The following C2orf76 variants were observed in gnomAD, a reference collection of about 807,000 sequenced individuals.
C2orf76 encodes UPF0538 protein C2orf76.
C2orf76 carries 23 observed loss-of-function variants against 16.9 expected under a neutral mutation model. The observed-to-expected ratio is 1.36, with a 90% CI of 0.98 to 1.93. The LOEUF (loss-of-function observed/expected upper bound fraction) is 1.93, where lower values mean the gene tolerates loss of function less well. C2orf76 is among the 30% of genes most tolerant of loss of function. The pLI is 0.00. For missense variants in C2orf76, 152 were observed against 152.6 expected, an observed-to-expected ratio of 1.00 and a Z score of 0.02; for synonymous variants, 48 against 52.3, an observed-to-expected ratio of 0.92 and a Z score of 0.35.
At chr2:119,342,733 C>G (rs1375424163) in intron 1 of C2orf76, among the ~76,000 whole-genome samples, 1 of 151,710 alleles carries the variant, frequency 6.6e-6, no homozygotes, top group East Asian at 1.9e-4. Flanking sequence ...ATATCTTAAG[C>G]AGATGTTAGG....
intron 4 of C2orf76, among the ~76,000 whole-genome samples, chr2:119,315,139 T>C (rs1679125125): frequency 2.0e-5 from 3 of 152,054 alleles, no homozygotes; most frequent in African/African-American, 7.2e-5. Flanking sequence ...TTAATAGAAA[T>C]TATTCCGACT....
intron 1 of C2orf76, among the ~76,000 whole-genome samples, chr2:119,348,155 A>T (rs1414986217): frequency 1.3e-5 from 2 of 152,218 alleles, no homozygotes; most frequent in Non-Finnish European, 2.9e-5. Context: ...CATTTTTCAT[A>T]ATAAAAACAT....
At chr2:119,294,361 T>G in the C2orf76 span, among the ~76,000 whole-genome samples, 1 of 151,452 alleles carries the variant, frequency 6.6e-6, no homozygotes, top group Non-Finnish European at 1.5e-5. Flanking sequence ...GGAAAGAGGG[T>G]ATGGAGAACT....
At chr2:119,297,958 T>A (rs531734989), downstream of C2orf76, among the ~76,000 whole-genome samples, 1 of 152,022 alleles carries the variant, frequency 6.6e-6, no homozygotes, top group African/African-American at 2.4e-5. Flanking sequence ...TTTCTATACA[T>A]GTTTTGGTTT....
chr2:119,281,630 A>G, the C2orf76 span, among the ~76,000 whole-genome samples: 1 of 152,358 alleles, frequency 6.6e-6, no homozygotes. Context: ...AGCGTTTGCT[A>G]AATAAACATC....
rs969384004 is a variant in C2orf76 at position 119,302,394 on chromosome 2, G to T, written c.*78C>A. The T allele has an allele frequency of 5.0e-6, 3 of 601,050 alleles. No individual in the cohort carries two copies. Among genetic ancestry groups the T allele is most frequent in the African/African-American group, 1.9e-5 (1 of 51,706 alleles). The allele number at this position is 601,050 out of a possible 1,614,324, so 37.2% of individuals were successfully genotyped here. ...GCCTGGGATTAATTTTTTAAGATTTGTTTGTCAATTTCAAAAATTCAGCAG... is the reference window on the plus strand; with the variant it reads ...GCCTGGGATTAATTTTTTAAGATTTTTTTGTCAATTTCAAAAATTCAGCAG... On this transcript the variant is annotated 3_prime_UTR_variant, in exon 6 of 6. Coordinates refer to ENST00000334816, the MANE Select transcript of C2orf76 (RefSeq NM_001322331.2).
At chr2:119,324,723 C>T (rs756261657) in intron 2 of C2orf76, among the ~76,000 whole-genome samples, 4 of 152,150 alleles carry the variant, frequency 2.6e-5, no homozygotes, top group African/African-American at 4.8e-5. Context: ...CCTGCCCTCT[C>T]GACTCCCCTC....
chr2:119,332,371 A>C lies in C2orf76; in HGVS notation c.133+7456T>G, dbSNP rs527956601. On this transcript the variant is annotated intron_variant, in intron 2 of 5. Transcript: ENST00000334816. Reference sequence around the variant, plus strand: ...TAATCAAAACTATGCACCAACATTCAAACCTGATAAGGTATCCTTATCAGA... The same window carrying C: ...TAATCAAAACTATGCACCAACATTCCAACCTGATAAGGTATCCTTATCAGA... 1.1e-4 allele frequency among the ~76,000 whole-genome samples: 17 copies of C among 152,320 alleles called. No homozygotes were observed. In the South Asian group the frequency reaches 1.2e-3, roughly 11 times the overall value.
intron 1 of C2orf76, among the ~76,000 whole-genome samples, chr2:119,362,351 G>A (rs1680771157): frequency 6.6e-6 from 1 of 152,160 alleles, no homozygotes; most frequent in Admixed American, 6.5e-5. Flanking sequence ...TGTGTGGAAG[G>A]TCAGTGCCCC....
At chr2:119,353,967 C>T (rs970356782) in intron 1 of C2orf76, among the ~76,000 whole-genome samples, 1 of 152,024 alleles carries the variant, frequency 6.6e-6, no homozygotes, top group Non-Finnish European at 1.5e-5. Context: ...TCAGTTCTGG[C>T]GTTCTATGGT....
At chr2:119,314,014 G>GTTTTTTTTTTTTTTTTTTTTTTTTTTT (rs368623211) in intron 4 of C2orf76, among the ~76,000 whole-genome samples, 1 of 86,166 alleles carries the variant, frequency 1.2e-5, no homozygotes, top group Non-Finnish European at 2.1e-5. Flanking sequence ...TTTCTCAGTG[G>GTTTTTTTTTTTTTTTTTTTTTTTTTTT]TTTTTTTTTT....
intron 1 of C2orf76, among the ~76,000 whole-genome samples, chr2:119,359,236 G>GA (rs781623622): frequency 2.0e-5 from 3 of 151,746 alleles, no homozygotes; most frequent in African/African-American, 7.3e-5. Flanking sequence ...TAATCCTCAG[G>GA]AAAAAAAAGA....
chr2:119,343,375 T>C (rs1680095755), intron 1 of C2orf76, among the ~76,000 whole-genome samples: 1 of 152,002 alleles, frequency 6.6e-6, no homozygotes, highest in Non-Finnish European at 1.5e-5. Flanking sequence ...AGAAGCAGTG[T>C]TGACAGGTTT....
intron 5 of C2orf76, among the ~76,000 whole-genome samples, chr2:119,304,097 G>T (rs886486494): frequency 2.6e-5 from 4 of 152,184 alleles, no homozygotes; most frequent in Admixed American, 2.0e-4. Flanking sequence ...AAGATATTTG[G>T]AAATCTATCC....
At chr2:119,336,613 A>G (rs56346455) in intron 2 of C2orf76, among the ~76,000 whole-genome samples, 8,155 of 152,138 alleles carry the variant, frequency 0.054, 276 homozygotes, top group South Asian at 0.11. Context: ...TAACCTGTGG[A>G]TGGCAAAACA....
At chr2:119,302,773 A>G (rs1246620131) in intron 5 of C2orf76, among the ~76,000 whole-genome samples, 1 of 152,192 alleles carries the variant, frequency 6.6e-6, no homozygotes, top group Admixed American at 6.5e-5. Flanking sequence ...AAAAGTAAAA[A>G]AGAACAAAAA....
chr2:119,366,779 G>A lies in C2orf76; in HGVS notation c.-13+11C>T, dbSNP rs1489784580. On this transcript the variant is annotated intron_variant, in intron 1 of 5. Transcript: ENST00000334816. ...CAGCAAAACTAAGCACCCTACTTCC[G>A]TTGTCCCCACCTGTTCCCGGCGTCC... 7.0e-6 allele frequency: 4 copies of A among 571,136 alleles called. No individual in the cohort carries two copies. Among genetic ancestry groups the A allele is most frequent in the Non-Finnish European group, 1.2e-5 (4 of 322,342 alleles). The allele number at this position is 571,136 out of a possible 1,614,324, so 35.4% of individuals were successfully genotyped here. A position where few individuals can be genotyped will look rare whatever the true frequency, so the allele number is the denominator to read the frequency against.
chr2:119,341,986 T>C (rs1680046176), intron 1 of C2orf76, among the ~76,000 whole-genome samples: 1 of 152,210 alleles, frequency 6.6e-6, no homozygotes, highest in Admixed American at 6.5e-5. Context: ...CTTTTGATCC[T>C]ACAATTTCAT....
intron 1 of C2orf76, among the ~76,000 whole-genome samples, chr2:119,354,382 G>A (rs886405012): frequency 5.3e-5 from 8 of 152,036 alleles, no homozygotes; most frequent in African/African-American, 1.2e-4. Context: ...AATATTAGCC[G>A]GGCGTGGTGG....
Sources: allele counts gnomAD v4.1 joint callset (sites outside exome capture counted in the v4.1 genomes callset), GRCh38; gene constraint gnomAD v4.1.1; transcripts MANE v1.5; gene names NCBI Gene and HGNC (gene_info 2026-07-23, HGNC 2026-07-21).